Variants in PEX14 observed in about 807,000 individuals in gnomAD.
The protein encoded by PEX14 is peroxisomal membrane protein PEX14.
A neutral mutation model predicts 49.5 loss-of-function variants in PEX14; 15 were observed. The observed-to-expected ratio is 0.30, with a 90% CI of 0.20 to 0.47. PEX14 has a LOEUF of 0.47. Ranked by LOEUF, PEX14 falls within the 20% of genes least tolerant of loss-of-function variation. PEX14 has a pLI of 1.00. For synonymous variants in PEX14, 210 were observed against 212.7 expected, an observed-to-expected ratio of 0.99 and a Z score of 0.11; for missense variants, 398 against 494.8, an observed-to-expected ratio of 0.80 and a Z score of 1.86.
At position 10,629,843 on chromosome 1, in the gene PEX14, G is replaced by A. The variant is rs145761201; in HGVS notation, c.990G>A (p.Glu330=). The change falls in exon 9 of 9, where the codon GAG becomes GAA. Residue 330 remains glutamate, a synonymous_variant. Coordinates refer to ENST00000356607, the MANE Select transcript of PEX14 (RefSeq NM_004565.3). The surrounding 1 kb of genome is among the most constrained non-coding windows in gnomAD (Gnocchi z 8.5). ...REDKEDEEDE[E]DDDVSHVDEE... Reference sequence around the variant, plus strand: ...ACAAGGAGGACGAGGAGGATGAGGAGGATGATGATGTGAGCCATGTGGACG... The same window carrying A: ...ACAAGGAGGACGAGGAGGATGAGGAAGATGATGATGTGAGCCATGTGGACG... The A allele has an allele frequency of 6.2e-7, 1 of 1,607,666 alleles. No homozygotes were observed.
intron 2 of PEX14, among the ~76,000 whole-genome samples, chr1:10,517,636 C>A (rs906420771): frequency 2.1e-5 from 3 of 146,262 alleles, no homozygotes; most frequent in Non-Finnish European, 4.5e-5. Flanking sequence ...CATATTTATT[C>A]TTTCTTTCCA....
intron 1 of PEX14, among the ~76,000 whole-genome samples, chr1:10,484,821 C>T (rs1259194990): frequency 6.6e-6 from 1 of 151,640 alleles, no homozygotes; most frequent in Admixed American, 6.6e-5. Context: ...TTACTGTCAG[C>T]CAGCGGCCGC....
chr1:10,592,056 C>CT (rs1213287252), intron 3 of PEX14, among the ~76,000 whole-genome samples: 1 of 152,072 alleles, frequency 6.6e-6, no homozygotes, highest in African/African-American at 2.4e-5. Flanking sequence ...AAGTTGATTC[C>CT]TTTTTTTAAA....
chr1:10,540,579 G>C (rs1638972254), intron 3 of PEX14, among the ~76,000 whole-genome samples: 1 of 145,392 alleles, frequency 6.9e-6, no homozygotes, highest in African/African-American at 2.5e-5. Context: ...GAAAATAACT[G>C]TGTTTCCTCC....
intron 2 of PEX14, chr1:10,524,392 T>A: frequency 1.2e-6 from 1 of 852,578 alleles, no homozygotes; most frequent in South Asian, 5.4e-5. Context: ...AAAGTGAACT[T>A]CTCTGTTTCT....
chr1:10,614,041 C>G (rs1339926368), intron 4 of PEX14, among the ~76,000 whole-genome samples: 1 of 152,226 alleles, frequency 6.6e-6, no homozygotes, highest in Admixed American at 6.5e-5. Context: ...CTTGCGGGGT[C>G]TGCACCAGAC....
At chr1:10,549,881 T>G (rs987464084) in intron 3 of PEX14, among the ~76,000 whole-genome samples, 13 of 152,338 alleles carry the variant, frequency 8.5e-5, no homozygotes, top group Admixed American at 7.2e-4. Context: ...AAAATAGCAC[T>G]GTTCTTTGGA....
chr1:10,537,056 T>C (rs1638827774), intron 3 of PEX14, among the ~76,000 whole-genome samples: 1 of 152,196 alleles, frequency 6.6e-6, no homozygotes, highest in Admixed American at 6.5e-5. Flanking sequence ...GGAGCTGGAA[T>C]GCCAGCCTTG....
intron 2 of PEX14, among the ~76,000 whole-genome samples, chr1:10,522,746 C>T (rs1300370846): frequency 1.3e-5 from 2 of 152,208 alleles, no homozygotes; most frequent in East Asian, 3.8e-4. Flanking sequence ...CCATCTCTGG[C>T]ACCTCCTAGA....
At position 10,475,016 on chromosome 1, in the gene PEX14, G is replaced by A. The variant is rs1373853637; in HGVS notation, c.36+14G>A. ...CAGCCGAGCCAGGTAAGGGGAGTGG[G>A]ACTGCCCCGCTGTGCGGCGGAGACC... On this transcript the variant is annotated intron_variant, in intron 1 of 8. Coordinates refer to ENST00000356607, the MANE Select transcript of PEX14 (RefSeq NM_004565.3). The A allele has an allele frequency of 1.9e-6, 3 of 1,606,626 alleles. No homozygotes were observed. The highest frequency in any genetic ancestry group is 3.4e-5 in the Admixed American group (2 of 59,086).
chr1:10,590,068 G>A (rs60257606), intron 3 of PEX14, among the ~76,000 whole-genome samples: 14,871 of 152,226 alleles, frequency 0.098, 884 homozygotes, highest in East Asian at 0.21. Flanking sequence ...TCCGAGCCTG[G>A]CCCTCCACCC....
intron 5 of PEX14, among the ~76,000 whole-genome samples, chr1:10,620,128 A>G (rs1332607375): frequency 6.6e-6 from 1 of 151,884 alleles, no homozygotes; most frequent in Admixed American, 6.6e-5. Flanking sequence ...AAAGAAAAAG[A>G]AAAAGAAAAA....
chr1:10,608,422 G>C (rs1362835187), intron 4 of PEX14, among the ~76,000 whole-genome samples: 2 of 152,144 alleles, frequency 1.3e-5, no homozygotes, highest in Non-Finnish European at 2.9e-5. Context: ...AGCACTTTGG[G>C]AGGCCAAGGT....
rs1641169349 is a variant in PEX14 at position 10,475,055 on chromosome 1, G to C, written c.36+53G>C. 7.8e-6 allele frequency: 12 copies of C among 1,546,378 alleles called. No homozygotes were observed. The South Asian group carries it at 1.4e-4, about 18-fold the overall frequency. On this transcript the variant is annotated intron_variant, in intron 1 of 8. Coordinates refer to ENST00000356607, the MANE Select transcript of PEX14 (RefSeq NM_004565.3). ...GCGGCGGAGACCCCGGCTGGAGGGGGCGCTCAGCATACGGCTGGGAGCCGG... is the reference window on the plus strand; with the variant it reads ...GCGGCGGAGACCCCGGCTGGAGGGGCCGCTCAGCATACGGCTGGGAGCCGG...
intron 4 of PEX14, among the ~76,000 whole-genome samples, chr1:10,609,101 A>G (rs1641204379): frequency 6.6e-6 from 1 of 152,032 alleles, no homozygotes; most frequent in Non-Finnish European, 1.5e-5. Flanking sequence ...AATTCATTCC[A>G]TTTTATCATG....
intron 3 of PEX14, among the ~76,000 whole-genome samples, chr1:10,577,916 G>A (rs1640198325): frequency 6.6e-6 from 1 of 151,694 alleles, no homozygotes; most frequent in African/African-American, 2.4e-5. Flanking sequence ...AAAGCAAGCA[G>A]AAATTGGAGT....
chr1:10,601,342 C>A (rs1333277171), intron 4 of PEX14, among the ~76,000 whole-genome samples: 1 of 151,972 alleles, frequency 6.6e-6, no homozygotes, highest in Non-Finnish European at 1.5e-5. Context: ...GTTTTGATCC[C>A]CCAGCACCTG....
chr1:10,600,425 AAAAC>A (rs1307319275), intron 4 of PEX14, among the ~76,000 whole-genome samples: 3 of 151,814 alleles, frequency 2.0e-5, no homozygotes, highest in South Asian at 2.1e-4. Context: ...CTGCCTCAAA[AAAAC>A]AAACAGGCAG....
At chr1:10,588,885 A>G (rs1187194555) in intron 3 of PEX14, among the ~76,000 whole-genome samples, 2 of 152,196 alleles carry the variant, frequency 1.3e-5, no homozygotes, top group Non-Finnish European at 2.9e-5. Flanking sequence ...TGAGGTTGCT[A>G]AAATCTATTG....
Sources: allele counts gnomAD v4.1 joint callset (sites outside exome capture counted in the v4.1 genomes callset), GRCh38; gene constraint gnomAD v4.1.1; non-coding constraint Gnocchi (gnomAD v3.1); transcripts MANE v1.5; gene names NCBI Gene and HGNC (gene_info 2026-07-23, HGNC 2026-07-21).